The following NSUN7 variants were observed in gnomAD, a reference collection of about 807,000 sequenced individuals.
The protein encoded by NSUN7 is protein NSUN7.
A neutral mutation model predicts 58.5 loss-of-function variants in NSUN7; 39 were observed. That is an observed-to-expected ratio of 0.67 (90% CI 0.52 to 0.87). NSUN7 has a LOEUF of 0.87. Ranked by LOEUF, NSUN7 falls within the 40% of genes least tolerant of loss-of-function variation. The pLI is 0.00. For missense variants in NSUN7, 765 were observed against 844.1 expected, an observed-to-expected ratio of 0.91 and a Z score of 1.16; for synonymous variants, 278 against 303.7, an observed-to-expected ratio of 0.92 and a Z score of 0.88.
At chr4:40,770,589 T>G (rs1242504201) in intron 4 of NSUN7, among the ~76,000 whole-genome samples, 1 of 152,190 alleles carries the variant, frequency 6.6e-6, no homozygotes, top group Non-Finnish European at 1.5e-5. Flanking sequence ...CAATTTATAT[T>G]TAAAGAGAAC....
chr4:40,791,846 C>T (rs1255012273), intron 8 of NSUN7, among the ~76,000 whole-genome samples: 1 of 152,170 alleles, frequency 6.6e-6, no homozygotes. Flanking sequence ...TTCACAATAA[C>T]TTTTTGAGGT....
At chr4:40,761,534 G>C (rs1741463412) in intron 4 of NSUN7, among the ~76,000 whole-genome samples, 1 of 152,142 alleles carries the variant, frequency 6.6e-6, no homozygotes, top group Non-Finnish European at 1.5e-5. Flanking sequence ...GTAAGCATGT[G>C]AGAAATCATT....
intron 9 of NSUN7, 99 bp downstream of exon 9, chr4:40,794,575 C>A: frequency 1.6e-6 from 1 of 640,512 alleles, no homozygotes. Context: ...AAGTGTGAGC[C>A]ATGAGCACAT....
chr4:40,751,304 T>C (rs1740822250), intron 2 of NSUN7, among the ~76,000 whole-genome samples: 1 of 152,084 alleles, frequency 6.6e-6, no homozygotes, highest in East Asian at 1.9e-4. Flanking sequence ...TTTTCCCTCG[T>C]AGACTTAGGG....
At chr4:40,750,468 CCAGGCTCGAAGTCTGGGA>C in intron 1 of NSUN7, 117 bp from the exon 2 acceptor site, 1 of 490,696 alleles carries the variant, frequency 2.0e-6, no homozygotes, top group African/African-American at 2.0e-5. Context: ...TTTGAGCGTC[CCAGGCTCGAAGTCTGGGA>C]CACTCAGATG....
chr4:40,774,404 A>T lies in NSUN7; in HGVS notation c.628A>T (p.Thr210Ser), dbSNP rs748262700. ...TTTACCACTTTATGCTTGGATAAAT[A>T]CTTGTAAAATCAGGTAAGTGTTTAA... Reference protein sequence around the residue: ...STLPLYAWINTCKISPEEVYN... With the variant: ...STLPLYAWINSCKISPEEVYN... Residue 210 changes from threonine (T) to serine (S), a missense_variant, in exon 5 of 12, where the codon ACT (threonine) becomes TCT (serine). Transcript: ENST00000381782. The T allele has an allele frequency of 4.3e-6, 7 of 1,613,112 alleles. No homozygotes were observed. Among genetic ancestry groups the T allele is most frequent in the Non-Finnish European group, 5.9e-6 (7 of 1,179,470 alleles).
At chr4:40,785,172 A>AT (rs1158406473) in intron 7 of NSUN7, among the ~76,000 whole-genome samples, 2 of 150,846 alleles carry the variant, frequency 1.3e-5, no homozygotes, top group Non-Finnish European at 2.9e-5. Flanking sequence ...AGTAGCTGCT[A>AT]TTATAGGCAC....
intron 1 of NSUN7, 105 bp from the exon 2 acceptor site, chr4:40,750,498 G>A (rs1489675930): frequency 4.6e-5 from 27 of 587,730 alleles, no homozygotes; most frequent in Non-Finnish European, 6.8e-5. Context: ...ACTCAGATGG[G>A]ACGGGAAATG....
Position 40,808,649 on chromosome 4 carries a change from T to A in NSUN7, c.1867T>A (p.Cys623Ser). Residue 623 changes from cysteine (C) to serine (S), a missense_variant, in exon 12 of 12, where the codon TGT becomes AGT. Transcript: ENST00000381782. ...AGTGCCTGCATTTGTGAAGAACACTTGTCCCTCCAGACCGCGTGAACGGCA... is the reference window on the plus strand; with the variant it reads ...AGTGCCTGCATTTGTGAAGAACACTAGTCCCTCCAGACCGCGTGAACGGCA... ...PAVPAFVKNT[C>S]PSRPRERQTH... 1 of 1,551,862 alleles carries A rather than the reference T, an allele frequency of 6.4e-7. No homozygotes were observed. Among genetic ancestry groups the A allele is most frequent in the Non-Finnish European group, 8.7e-7 (1 of 1,147,050 alleles).
At chr4:40,760,398 G>T (rs1216805887) in intron 2 of NSUN7, 36 bp from the exon 3 acceptor site, 1 of 1,537,076 alleles carries the variant, frequency 6.5e-7, no homozygotes, top group Non-Finnish European at 8.9e-7. Flanking sequence ...TTTCCGCTTT[G>T]TATTTTCAGT....
chr4:40,791,232 A>G (rs1237920270), intron 8 of NSUN7, among the ~76,000 whole-genome samples: 1 of 152,242 alleles, frequency 6.6e-6, no homozygotes, highest in African/African-American at 2.4e-5. Context: ...CTTAATCGCT[A>G]GGATGTATGC....
At position 40,774,418 on chromosome 4, in the gene NSUN7, G is replaced by T; in HGVS notation, c.641+1G>T. 1 of 1,611,814 alleles carries T rather than the reference G, an allele frequency of 6.2e-7. No homozygotes were observed. The highest frequency in any genetic ancestry group is 2.2e-5 in the East Asian group (1 of 44,838). On this transcript the variant is annotated splice_donor_variant, in intron 5 of 11. Transcript: ENST00000381782. LOFTEE classifies it high-confidence loss of function. The stretch of plus-strand genomic sequence containing the variant: ...CTTGGATAAATACTTGTAAAATCAG[G>T]TAAGTGTTTAAATCAAATTCTTTAT...
At chr4:40,751,780 G>A (rs1740846009) in intron 2 of NSUN7, among the ~76,000 whole-genome samples, 1 of 152,108 alleles carries the variant, frequency 6.6e-6, no homozygotes, top group Non-Finnish European at 1.5e-5. Context: ...GATTGATTGA[G>A]CTCAGGCGTT....
At chr4:40,807,993 T>C (rs1468170542) in intron 11 of NSUN7, among the ~76,000 whole-genome samples, 1 of 121,874 alleles carries the variant, frequency 8.2e-6, no homozygotes, top group Non-Finnish European at 1.6e-5. Flanking sequence ...TGAGCTGAGA[T>C]CGCACCAGCC....
intron 7 of NSUN7, among the ~76,000 whole-genome samples, chr4:40,784,387 T>A (rs1159894705): frequency 1.3e-5 from 2 of 152,174 alleles, no homozygotes; most frequent in Non-Finnish European, 2.9e-5. Flanking sequence ...GTCCATCAAA[T>A]GATGAGTGGA....
Position 40,808,611 on chromosome 4 carries a change from C to A in NSUN7, c.1829C>A (p.Ala610Asp), listed in dbSNP as rs1021273239. ...SSQTRKPNKL[A>D]PHPAVPAFVK... ...CAGACCAGAAAACCCAACAAGCTGG[C>A]CCCCCATCCTGCAGTGCCTGCATTT... Residue 610 changes from alanine to aspartate, a missense_variant, in exon 12 of 12, where the codon GCC (alanine) becomes GAC (aspartate). Ala to Asp is a moderately radical substitution (Grantham distance 126, BLOSUM62 -2). Coordinates refer to ENST00000381782, the MANE Select transcript of NSUN7 (RefSeq NM_024677.6). The A allele has an allele frequency of 2.6e-6, 4 of 1,551,538 alleles. No individual in the cohort carries two copies. The highest frequency in any genetic ancestry group is 2.0e-5 in the Admixed American group (1 of 50,960).
chr4:40,801,571 C>G (rs141732530), intron 10 of NSUN7, among the ~76,000 whole-genome samples: 21 of 151,918 alleles, frequency 1.4e-4, no homozygotes, highest in African/African-American at 4.8e-4. Context: ...GATTGTTTAT[C>G]TTTTTATTTT....
chr4:40,761,654 TGAATC>T (rs1190523064), intron 4 of NSUN7, among the ~76,000 whole-genome samples: 1 of 152,102 alleles, frequency 6.6e-6, no homozygotes, highest in Non-Finnish European at 1.5e-5. Flanking sequence ...ACATCTAACA[TGAATC>T]AAATGAGAAA....
chr4:40,801,901 C>CAAA (rs56868885), intron 10 of NSUN7, among the ~76,000 whole-genome samples: 5,424 of 107,110 alleles, frequency 0.051, 262 homozygotes, highest in African/African-American at 0.13. Flanking sequence ...GACTCTGTCT[C>CAAA]AAAAAAAAAA....
Sources: allele counts gnomAD v4.1 joint callset (sites outside exome capture counted in the v4.1 genomes callset), GRCh38; gene constraint gnomAD v4.1.1; transcripts MANE v1.5; gene names NCBI Gene and HGNC (gene_info 2026-07-23, HGNC 2026-07-21).